The following MACO1 variants were observed in gnomAD, a reference collection of about 807,000 sequenced individuals.
MACO1 encodes the protein macoilin.
In MACO1, 14 loss-of-function variants were observed where a neutral mutation model predicts 78.7. The observed-to-expected ratio is 0.18, with a 90% confidence interval of 0.12 to 0.28. The LOEUF (loss-of-function observed/expected upper bound fraction) is 0.28, where lower values mean the gene tolerates loss of function less well. Ranked by LOEUF, MACO1 falls within the 10% of genes least tolerant of loss-of-function variation. MACO1 has a pLI of 1.00. For missense variants in MACO1, 501 were observed against 799.0 expected (o/e 0.63, Z 4.50); for synonymous variants, 288 against 291.6 (o/e 0.99, Z 0.12).
At chr1:25,462,773 G>A (rs2043182640) in intron 6 of MACO1, among the ~76,000 whole-genome samples, 1 of 56,658 alleles carries the variant, frequency 1.8e-5, no homozygotes, top group African/African-American at 4.1e-5. Context: ...AAGGTTTGAT[G>A]GCTATTCCCT....
intron 6 of MACO1, among the ~76,000 whole-genome samples, chr1:25,481,381 C>T (rs966357018): frequency 2.6e-5 from 4 of 152,068 alleles, no homozygotes; most frequent in African/African-American, 4.8e-5. Flanking sequence ...AGTTATCAGC[C>T]GTAGATGAGG....
intron 6 of MACO1, among the ~76,000 whole-genome samples, chr1:25,459,096 G>T (rs925493279): frequency 3.9e-5 from 6 of 152,182 alleles, no homozygotes; most frequent in Admixed American, 6.5e-5. Context: ...TGAATAATGA[G>T]TGACACTGAT....
chr1:25,446,463 G>GT (rs1348884174), intron 1 of MACO1, among the ~76,000 whole-genome samples: 1 of 152,154 alleles, frequency 6.6e-6, no homozygotes, highest in Admixed American at 6.5e-5. Flanking sequence ...GTATTTTGAA[G>GT]TCAGACACTT....
At chr1:25,466,915 C>G (rs2043224385) in intron 6 of MACO1, among the ~76,000 whole-genome samples, 2 of 152,074 alleles carry the variant, frequency 1.3e-5, no homozygotes, top group South Asian at 4.1e-4. Context: ...GTCTAACACT[C>G]ATTTTTACAT....
chr1:25,494,718 A>G (rs1392778149), intron 10 of MACO1, among the ~76,000 whole-genome samples: 1 of 152,152 alleles, frequency 6.6e-6, no homozygotes, highest in Non-Finnish European at 1.5e-5. Context: ...GAGGTTCCTG[A>G]GAGTTCTGGA....
intron 4 of MACO1, among the ~76,000 whole-genome samples, chr1:25,456,190 G>A (rs918744388): frequency 6.0e-5 from 9 of 150,076 alleles, no homozygotes; most frequent in Admixed American, 1.3e-4. Flanking sequence ...CCCGAGAGGC[G>A]GAGGTTGCAG....
chr1:25,433,581 T>TA (rs1458034210), intron 1 of MACO1, among the ~76,000 whole-genome samples: 1 of 152,196 alleles, frequency 6.6e-6, no homozygotes, highest in East Asian at 1.9e-4. Context: ...TTCATGGACT[T>TA]ACTATTTTCA....
intron 6 of MACO1, among the ~76,000 whole-genome samples, chr1:25,462,711 T>G (rs1027780999): frequency 1.1e-5 from 1 of 93,616 alleles, no homozygotes; most frequent in Non-Finnish European, 2.5e-5. Flanking sequence ...AATTCATTAC[T>G]GCTCCACCAG....
intron 6 of MACO1, among the ~76,000 whole-genome samples, chr1:25,464,338 C>CTTTT (rs71014363): frequency 4.1e-4 from 33 of 80,938 alleles, no homozygotes; most frequent in Admixed American, 7.0e-4. Context: ...TTTTTCTTCT[C>CTTTT]TTTTTTTTTT....
intron 3 of MACO1, among the ~76,000 whole-genome samples, chr1:25,451,329 T>C (rs2043063958): frequency 6.6e-6 from 1 of 152,080 alleles, no homozygotes. Context: ...TTTTTCCTGG[T>C]GGTTAAGAGG....
In MACO1 at chr1:25,441,595, G is replaced by C. The variant is rs2124572022; in HGVS notation, c.81-5167G>C. Among the ~76,000 whole-genome samples, 3 of 152,322 alleles carry C rather than the reference G, an allele frequency of 2.0e-5. No individual in the cohort carries two copies. The East Asian group carries it at 5.8e-4, about 29-fold the overall frequency. On this transcript the variant is annotated intron_variant, in intron 1 of 10. Coordinates refer to ENST00000374343, the MANE Select transcript of MACO1 (RefSeq NM_018202.6). ...CAAAATGGGCAGCTCCTTTTTTCTTGTGGACTTTACATCCGAACAGTTAAT... is the reference window on the plus strand; with the variant it reads ...CAAAATGGGCAGCTCCTTTTTTCTTCTGGACTTTACATCCGAACAGTTAAT...
At chr1:25,449,255 G>GA (rs1185753948) in intron 3 of MACO1, among the ~76,000 whole-genome samples, 3 of 150,312 alleles carry the variant, frequency 2.0e-5, no homozygotes, top group African/African-American at 4.9e-5. Context: ...TGCCAAAAAA[G>GA]AAAAAAAAAT....
chr1:25,489,035 G>A, intron 8 of MACO1, 138 bp from the exon 9 acceptor site: 6 of 979,202 alleles, frequency 6.1e-6, no homozygotes, highest in Non-Finnish European at 7.2e-6. Flanking sequence ...TGGTCAGGTT[G>A]GTCTCGAACC....
chr1:25,448,253 A>G (rs2043033026), intron 2 of MACO1, among the ~76,000 whole-genome samples: 1 of 152,122 alleles, frequency 6.6e-6, no homozygotes, highest in Non-Finnish European at 1.5e-5. Context: ...TCACAAGGTC[A>G]GGGGATTGAG....
intron 1 of MACO1, among the ~76,000 whole-genome samples, chr1:25,434,119 A>G (rs2042899344): frequency 6.6e-6 from 1 of 152,252 alleles, no homozygotes; most frequent in Non-Finnish European, 1.5e-5. Context: ...GATGCAAGGA[A>G]AATTAATTTT....
At position 25,436,017 on chromosome 1, in the gene MACO1, G is replaced by A. The variant is rs192483391; in HGVS notation, c.80+4839G>A. ...GTTGAGGAGGGGAACAGGAGAGAACGTGATTCACTTCACATTATTTGCTTA... is the reference window on the plus strand; with the variant it reads ...GTTGAGGAGGGGAACAGGAGAGAACATGATTCACTTCACATTATTTGCTTA... On this transcript the variant is annotated intron_variant, in intron 1 of 10. Transcript: ENST00000374343. 1.1e-3 allele frequency among the ~76,000 whole-genome samples: 166 copies of A among 152,300 alleles called. 1 individual carries two copies. The highest frequency in any genetic ancestry group is 6.0e-3 in the Admixed American group (91 of 15,292).
intron 3 of MACO1, among the ~76,000 whole-genome samples, chr1:25,450,499 C>G (rs528069933): frequency 1.3e-5 from 2 of 152,240 alleles, no homozygotes; most frequent in South Asian, 4.1e-4. Flanking sequence ...TTGGGCCTAG[C>G]TACAACCTGT....
At chr1:25,465,541 T>C (rs1571971964) in intron 6 of MACO1, among the ~76,000 whole-genome samples, 1 of 152,250 alleles carries the variant, frequency 6.6e-6, no homozygotes, top group Admixed American at 6.5e-5. Context: ...TGGTGACATA[T>C]GATATGATGT....
chr1:25,465,648 T>C (rs561049476), intron 6 of MACO1, among the ~76,000 whole-genome samples: 19 of 152,372 alleles, frequency 1.2e-4, no homozygotes, highest in African/African-American at 4.6e-4. Flanking sequence ...TATAAATTCA[T>C]GGTGTACAAG....
Sources: gnomAD v4.1 joint callset for allele counts (sites outside exome capture counted in the v4.1 genomes callset) on GRCh38, gnomAD v4.1.1 for gene constraint, MANE v1.5 for transcripts, NCBI Gene and HGNC (gene_info 2026-07-23, HGNC 2026-07-21) for gene names.